Variants in EFCAB13 observed in about 807,000 individuals in gnomAD.
EFCAB13 encodes EF-hand calcium binding domain 13, also known as EF-hand calcium-binding domain-containing protein 13.
In EFCAB13, 91 loss-of-function variants were observed where a neutral mutation model predicts 110.2. The observed-to-expected ratio is 0.83, with a 90% CI of 0.70 to 0.98. The LOEUF is 0.98. EFCAB13 is among the 50% of genes least tolerant of loss of function. The pLI, the probability that EFCAB13 is intolerant of heterozygous loss-of-function variation, is 0.00. For synonymous variants in EFCAB13, 323 were observed against 369.9 expected (o/e 0.87, Z 1.45); for missense variants, 968 against 1,119.4 (o/e 0.86, Z 1.93).
rs1806399190 is a variant in EFCAB13 at position 47,374,657 on chromosome 17, C to G, written c.1063C>G (p.Leu355Val). 1 of 1,609,618 alleles carries G rather than the reference C, an allele frequency of 6.2e-7. No homozygotes were observed. Residue 355 changes from leucine (L) to valine (V), a missense_variant, in exon 12 of 25, where the codon CTT (leucine) becomes GTT (valine). Physicochemically the swap from Leu to Val is conservative, Grantham distance 32. Transcript: ENST00000331493. ...TAGCAAAATTATGGAGAATGATGAC[C>G]TTGAATCTAAAAGACCAAAAAATAC... ...YYSKIMENDDLESKRPKNTWQ... is the reference protein window; with the variant it reads ...YYSKIMENDDVESKRPKNTWQ...
Position 47,420,228 on chromosome 17 carries a change from C to T in EFCAB13, c.2494+5309C>T, listed in dbSNP as rs572517444. 5.3e-5 allele frequency among the ~76,000 whole-genome samples: 8 copies of T among 152,288 alleles called. No homozygotes were observed. The East Asian group carries it at 9.6e-4, about 18-fold the overall frequency. On this transcript the variant is annotated intron_variant, in intron 23 of 24. Coordinates refer to ENST00000331493, the MANE Select transcript of EFCAB13 (RefSeq NM_152347.5). The stretch of plus-strand genomic sequence containing the variant: ...CCTCCCAAGGTGCCGGGGTTGCAGA[C>T]GGAGTCTGGTTCACTCAGTGCTCAA...
At chr17:47,417,556 C>T (rs1238565336) in intron 23 of EFCAB13, among the ~76,000 whole-genome samples, 1 of 152,140 alleles carries the variant, frequency 6.6e-6, no homozygotes, top group Non-Finnish European at 1.5e-5. Context: ...TCTTCCTTAC[C>T]ATCTGGCACT....
Position 47,374,557 on chromosome 17 carries a change from G to A in EFCAB13, c.963G>A (p.Lys321=), listed in dbSNP as rs751475432. The change falls in exon 12 of 25, where the codon AAG becomes AAA. Residue 321 remains lysine (K), a synonymous_variant. Transcript: ENST00000331493. ...SVAGCYLKYK[K]KNSLSSKLPE... ...CAGGATGCTATCTAAAATATAAGAA[G>A]AAAAATAGTTTGTCTTCCAAACTCC... The A allele has an allele frequency of 3.8e-6, 6 of 1,590,702 alleles. No individual in the cohort carries two copies. In the South Asian group the frequency reaches 5.9e-5, roughly 16 times the overall value.
At chr17:47,420,876 C>G (rs1356728481) in intron 23 of EFCAB13, among the ~76,000 whole-genome samples, 1 of 150,610 alleles carries the variant, frequency 6.6e-6, no homozygotes, top group African/African-American at 2.4e-5. Flanking sequence ...GGGTCAGCCC[C>G]CCGCCCGGCC....
At chr17:47,329,538 C>T (rs998295988) in intron 4 of EFCAB13, among the ~76,000 whole-genome samples, 1 of 151,844 alleles carries the variant, frequency 6.6e-6, no homozygotes, top group South Asian at 2.1e-4. Context: ...CTTTTTATAC[C>T]TACTACTTTG....
At chr17:47,328,244 T>G (rs1175566832) in intron 3 of EFCAB13, 25 bp from the exon 4 acceptor site, 1 of 961,160 alleles carries the variant, frequency 1.0e-6, no homozygotes, top group South Asian at 1.4e-5. Flanking sequence ...AAGCGTATGA[T>G]TTCTTCTTTC....
At chr17:47,377,504 G>A (rs2065622770) in intron 12 of EFCAB13, 1 of 208,708 alleles carries the variant, frequency 4.8e-6, no homozygotes, top group African/African-American at 2.3e-5. Flanking sequence ...CATTGGCTGG[G>A]CCACTGGAAC....
chr17:47,338,279 TTACTC>T (rs1348820486), intron 5 of EFCAB13, among the ~76,000 whole-genome samples: 1 of 151,512 alleles, frequency 6.6e-6, no homozygotes, highest in South Asian at 2.1e-4. Flanking sequence ...AGTCAGGAGT[TTACTC>T]TACCACCCTG....
chr17:47,346,881 A>G (rs2065420168), intron 8 of EFCAB13, among the ~76,000 whole-genome samples: 1 of 152,166 alleles, frequency 6.6e-6, no homozygotes, highest in South Asian at 2.1e-4. Flanking sequence ...ATTTCATGGA[A>G]ATCTGGCTTC....
At chr17:47,348,740 A>G (rs749067329) in intron 9 of EFCAB13, among the ~76,000 whole-genome samples, 2 of 152,022 alleles carry the variant, frequency 1.3e-5, no homozygotes, top group Non-Finnish European at 2.9e-5. Flanking sequence ...TGCCATTTGT[A>G]TATTTTTTGC....
intron 10 of EFCAB13, among the ~76,000 whole-genome samples, chr17:47,367,717 C>T (rs541432428): frequency 2.6e-5 from 4 of 152,248 alleles, no homozygotes; most frequent in South Asian, 2.1e-4. Context: ...TCCAGGCCAT[C>T]GACTTTCAGG....
rs150041083 is a variant in EFCAB13, at chr17:47,390,914, G to GTCTTATCTATCTA, written c.1583-520_1583-519insTATCTATCTATCT. On this transcript the variant is annotated intron_variant, in intron 14 of 24. Transcript: ENST00000331493. ...TATATATGTGTATGTGTGTCTGTCTGTCTATCTATCTATCTGTCTATCTAT... is the reference window on the plus strand; with the variant it reads ...TATATATGTGTATGTGTGTCTGTCTGTCTTATCTATCTATCTATCTATCTATCTGTCTATCTAT... 4.1e-3 allele frequency among the ~76,000 whole-genome samples: 617 copies of GTCTTATCTATCTA among 150,264 alleles called. 8 individuals carry two copies. The highest frequency in any genetic ancestry group is 0.027 in the East Asian group (137 of 5,074).
At chr17:47,347,356 A>G (rs1186142064) in intron 8 of EFCAB13, among the ~76,000 whole-genome samples, 1 of 152,182 alleles carries the variant, frequency 6.6e-6, no homozygotes, top group Non-Finnish European at 1.5e-5. Context: ...TGAACCAAAA[A>G]ATTCAGTTCA....
chr17:47,397,911 G>A (rs1422307915), intron 17 of EFCAB13, among the ~76,000 whole-genome samples: 3 of 151,862 alleles, frequency 2.0e-5, no homozygotes, highest in Admixed American at 1.3e-4. Context: ...CCCCATCCGG[G>A]AGGGAGGTGG....
chr17:47,353,539 G>A (rs12452679), intron 9 of EFCAB13, among the ~76,000 whole-genome samples: 2,115 of 152,060 alleles, frequency 0.014, 66 homozygotes, highest in Admixed American at 0.077. Flanking sequence ...CAAGTGATCC[G>A]CCTGCCTTGG....
At chr17:47,328,762 T>G (rs148598929) in intron 4 of EFCAB13, 1 of 169,274 alleles carries the variant, frequency 5.9e-6, no homozygotes, top group African/African-American at 2.4e-5. Context: ...TTATCTGTAC[T>G]TCAGAGTTTT....
At chr17:47,377,063 G>C (rs1339015554) in intron 12 of EFCAB13, among the ~76,000 whole-genome samples, 2 of 152,126 alleles carry the variant, frequency 1.3e-5, no homozygotes, top group Non-Finnish European at 2.9e-5. Context: ...AAACATGGTA[G>C]AGTAAATTAA....
intron 5 of EFCAB13, among the ~76,000 whole-genome samples, chr17:47,335,567 C>T (rs2065344676): frequency 6.6e-6 from 1 of 152,150 alleles, no homozygotes; most frequent in Admixed American, 6.5e-5. Context: ...TATAGGCTTC[C>T]ATGTTGTCTA....
chr17:47,371,200 C>A (rs2065582784), intron 11 of EFCAB13, among the ~76,000 whole-genome samples: 2 of 148,000 alleles, frequency 1.4e-5, no homozygotes, highest in Non-Finnish European at 3.0e-5. Flanking sequence ...TCTGTTATTT[C>A]TTTGGCTGTG....
Sources: allele counts gnomAD v4.1 joint callset (sites outside exome capture counted in the v4.1 genomes callset), GRCh38; gene constraint gnomAD v4.1.1; transcripts MANE v1.5; gene names NCBI Gene and HGNC (gene_info 2026-07-23, HGNC 2026-07-21).